TBC1D8: variants seen among roughly 807,000 people sequenced by gnomAD.
The protein encoded by TBC1D8 is BUB2-like protein 1.
TBC1D8 carries 65 observed loss-of-function variants against 118.8 expected under a neutral mutation model. The observed-to-expected ratio is 0.55, with a 90% confidence interval of 0.45 to 0.67. TBC1D8 has a LOEUF of 0.67. Among genes scored for constraint, TBC1D8 ranks in the 30% least tolerant of loss-of-function variants. TBC1D8 has a pLI of 0.00. For synonymous variants in TBC1D8, 566 were observed against 595.8 expected, an observed-to-expected ratio of 0.95 and a Z score of 0.73; for missense variants, 1,376 against 1,471.2, an observed-to-expected ratio of 0.94 and a Z score of 1.06.
chr2:101,062,980 A>G lies in TBC1D8; in HGVS notation c.284-3441T>C, dbSNP rs911590347. On this transcript the variant is annotated intron_variant, in intron 2 of 19. Transcript: ENST00000409318. ...TTTAAGTATCATTTACATCATCCTC[A>G]GGCCCAGTTCTTGCTATGGCTGGGC... is the stretch of plus-strand genomic sequence containing the variant. Among the ~76,000 whole-genome samples the G allele has an allele frequency of 2.0e-5, 3 of 152,056 alleles. No homozygotes were observed. In the East Asian group the frequency reaches 5.8e-4, roughly 29 times the overall value.
At chr2:101,011,779 TAAC>T (rs1679235281) in intron 17 of TBC1D8, among the ~76,000 whole-genome samples, 1 of 152,202 alleles carries the variant, frequency 6.6e-6, no homozygotes, top group African/African-American at 2.4e-5. Flanking sequence ...CTGTTGTAAT[TAAC>T]AACATACACA....
At chr2:101,140,610 T>C (rs1679059444) in intron 1 of TBC1D8, among the ~76,000 whole-genome samples, 2 of 152,132 alleles carry the variant, frequency 1.3e-5, no homozygotes, top group African/African-American at 4.8e-5. Context: ...AATCAGCATA[T>C]AATTCTGCAA....
intron 6 of TBC1D8, 82 bp from the exon 7 acceptor site, chr2:101,038,737 C>T (rs1190641096): frequency 9.5e-6 from 14 of 1,479,748 alleles, no homozygotes; most frequent in Non-Finnish European, 1.3e-5. Flanking sequence ...TGTCCCGAAA[C>T]AGAGGGCAAG....
intron 2 of TBC1D8, among the ~76,000 whole-genome samples, chr2:101,072,585 G>T (rs890549061): frequency 1.3e-5 from 2 of 152,138 alleles, no homozygotes; most frequent in African/African-American, 4.8e-5. Flanking sequence ...GGATGAAACT[G>T]TTCCACCTCG....
chr2:101,037,618 C>T lies in TBC1D8; in HGVS notation c.1366G>A (p.Glu456Lys), dbSNP rs1681098447. ...TGCATCAGCGGGCTCTTCTCTTTCT[C>T]ACTCTCCTCGCTATTTTGAGAAGAC... ...MMSSQNSEES[E>K]KEKSPLMHPD... Residue 456 changes from glutamate (E) to lysine (K), a missense_variant, in exon 8 of 20, where the codon GAG (glutamate) becomes AAG (lysine). Physicochemically the swap from Glu to Lys is moderately conservative, Grantham distance 56 (BLOSUM62 1). Coordinates refer to ENST00000409318, the MANE Select transcript of TBC1D8 (RefSeq NM_001330348.2). The T allele has an allele frequency of 6.2e-7, 1 of 1,613,828 alleles. No individual in the cohort carries two copies. The highest frequency in any genetic ancestry group is 1.1e-5 in the South Asian group (1 of 91,084).
chr2:101,033,289 G>C (rs1285373461), intron 10 of TBC1D8: 1 of 516,524 alleles, frequency 1.9e-6, no homozygotes, highest in Admixed American at 2.9e-5. Flanking sequence ...GCTAATTTTT[G>C]TATTTTTAGT....
intron 2 of TBC1D8, among the ~76,000 whole-genome samples, chr2:101,086,442 C>T (rs1050087280): frequency 2.6e-5 from 4 of 152,002 alleles, no homozygotes; most frequent in African/African-American, 9.7e-5. Flanking sequence ...CAGACTGCAA[C>T]AGTATACTAT....
chr2:101,020,994 G>A (rs1679997323), intron 17 of TBC1D8, among the ~76,000 whole-genome samples: 1 of 152,144 alleles, frequency 6.6e-6, no homozygotes, highest in Non-Finnish European at 1.5e-5. Flanking sequence ...AGTGGATAAA[G>A]GAGAATGTGT....
At chr2:101,085,908 G>A (rs1675589594) in intron 2 of TBC1D8, among the ~76,000 whole-genome samples, 1 of 152,226 alleles carries the variant, frequency 6.6e-6, no homozygotes, top group African/African-American at 2.4e-5. Context: ...TTGGGAGGCT[G>A]AGGCGGGTGG....
chr2:101,123,672 GTATACTGTCACAGA>G (rs1558720882), intron 1 of TBC1D8, among the ~76,000 whole-genome samples: 1 of 152,184 alleles, frequency 6.6e-6, no homozygotes, highest in Admixed American at 6.5e-5. Context: ...TTAAGGACCA[GTATACTGTCACAGA>G]TATAGGTCTA....
chr2:101,117,604 C>CAG (rs1677882915), intron 1 of TBC1D8, among the ~76,000 whole-genome samples: 1 of 141,308 alleles, frequency 7.1e-6, no homozygotes, highest in African/African-American at 2.7e-5. Flanking sequence ...GACAGAGTCT[C>CAG]GCTCTGTCGC....
At chr2:101,119,603 G>A (rs1182692715) in intron 1 of TBC1D8, among the ~76,000 whole-genome samples, 1 of 152,150 alleles carries the variant, frequency 6.6e-6, no homozygotes, top group Non-Finnish European at 1.5e-5. Flanking sequence ...CATTGGTTTG[G>A]GGTGCTGCCT....
At chr2:101,041,633 C>T (rs1237713052) in intron 5 of TBC1D8, among the ~76,000 whole-genome samples, 1 of 151,858 alleles carries the variant, frequency 6.6e-6, no homozygotes, top group Non-Finnish European at 1.5e-5. Context: ...GATGGTTGCA[C>T]AACTCTGTGA....
intron 3 of TBC1D8, among the ~76,000 whole-genome samples, chr2:101,055,533 T>C (rs1682371375): frequency 6.6e-6 from 1 of 152,182 alleles, no homozygotes; most frequent in Non-Finnish European, 1.5e-5. Flanking sequence ...AGGTCATAAA[T>C]AACCTCCAAA....
At chr2:101,096,765 C>T (rs1676475117) in intron 1 of TBC1D8, among the ~76,000 whole-genome samples, 1 of 150,332 alleles carries the variant, frequency 6.7e-6, no homozygotes, top group African/African-American at 2.5e-5. Flanking sequence ...ATAGAAACTT[C>T]CCAAACTGAA....
chr2:101,105,853 C>A lies in TBC1D8; in HGVS notation c.128-15489G>T, dbSNP rs554145908. On this transcript the variant is annotated intron_variant, in intron 1 of 19. Transcript: ENST00000409318. ...AGCCTTATCGTATGATCCCTGCAAT[C>A]GCACACCTAGGTATTTACCCAACTG... Among the ~76,000 whole-genome samples the A allele has an allele frequency of 3.9e-5, 6 of 152,104 alleles. No individual in the cohort carries two copies. The East Asian group carries it at 1.2e-3, about 29-fold the overall frequency.
rs146651880 is a variant in TBC1D8, at chr2:101,069,003, G to GAAAA, written c.284-9468_284-9465dup. ...CGACAAGAGCAAGACTCCGTTTCAA[G>GAAAA]AAAAAAAAAAAAAAAGGCCAGGCAT... is the stretch of plus-strand genomic sequence containing the variant. On this transcript the variant is annotated intron_variant, in intron 2 of 19. Transcript: ENST00000409318. Among the ~76,000 whole-genome samples the GAAAA allele has an allele frequency of 4.3e-5, 4 of 93,122 alleles. No homozygotes were observed. In the Admixed American group the frequency reaches 4.7e-4, roughly 11 times the overall value. 61.1% of individuals were successfully genotyped at this position (93,122 alleles called of 152,430 possible). A position where few individuals can be genotyped will look rare whatever the true frequency, so the allele number is the denominator to read the frequency against.
chr2:101,108,348 A>G, intron 1 of TBC1D8, among the ~76,000 whole-genome samples: 1 of 152,234 alleles, frequency 6.6e-6, no homozygotes, highest in East Asian at 1.9e-4. Flanking sequence ...GTTGTCCTGA[A>G]TGGAATCCTG....
intron 1 of TBC1D8, among the ~76,000 whole-genome samples, chr2:101,115,979 A>C (rs1178866319): frequency 6.6e-6 from 1 of 152,212 alleles, no homozygotes; most frequent in African/African-American, 2.4e-5. Context: ...GACCAGCAAC[A>C]TTCAGCAGGG....
Sources: allele counts gnomAD v4.1 joint callset (sites outside exome capture counted in the v4.1 genomes callset), GRCh38; gene constraint gnomAD v4.1.1; transcripts MANE v1.5; gene names NCBI Gene and HGNC (gene_info 2026-07-23, HGNC 2026-07-21).